RPS17: variants seen among roughly 807,000 people sequenced by gnomAD.
RPS17 encodes ribosomal protein S17, also known as small ribosomal subunit protein eS17.
For missense variants in RPS17, 68 were observed against 182.3 expected (o/e 0.37, Z 3.61); for synonymous variants, 75 against 65.6 (o/e 1.14, Z -0.70).
chr15:82,540,455 A>G lies in RPS17; in HGVS notation c.-27T>C. The G allele has an allele frequency of 6.3e-7, 1 of 1,588,386 alleles. No individual in the cohort carries two copies. Among genetic ancestry groups the G allele is most frequent in the East Asian group, 2.3e-5 (1 of 44,102 alleles). Reference sequence around the variant, plus strand: ...TTGGCGGGTCCTTGGTAAAAGAGGAAACAGGAAGCACAGGCGAAGCCTGTT... The same window carrying G: ...TTGGCGGGTCCTTGGTAAAAGAGGAGACAGGAAGCACAGGCGAAGCCTGTT... On this transcript the variant is annotated 5_prime_UTR_variant, in exon 1 of 5. Coordinates refer to ENST00000647841, the MANE Select transcript of RPS17 (RefSeq NM_001021.6).
rs866903353 is a variant in RPS17, at chr15:82,540,283, C to A, written c.3+143G>T. 616 of 1,590,810 alleles carry A rather than the reference C, an allele frequency of 3.9e-4. 4 individuals carry two copies. Among genetic ancestry groups the A allele is most frequent in the Middle Eastern group, 2.6e-3 (12 of 4,678 alleles). ...ACAGTGCCGGGCGCCGGGCTTAATG[C>A]GGAAGCCGCCGGCCCGTTGCGCTCC... On this transcript the variant is annotated intron_variant, in intron 1 of 4. Coordinates refer to ENST00000647841, the MANE Select transcript of RPS17 (RefSeq NM_001021.6).
chr15:82,539,832 T>C, intron 2 of RPS17, 149 bp downstream of exon 2: 3 of 1,381,742 alleles, frequency 2.2e-6, no homozygotes, highest in Non-Finnish European at 3.1e-6. Flanking sequence ...ACAGAAATCC[T>C]GCACACGCAG....
chr15:82,539,688 CA>C (rs1282817461), intron 2 of RPS17: 1,623 of 423,020 alleles, frequency 3.8e-3, no homozygotes, highest in East Asian at 6.3e-3. Context: ...GATTCCGTCT[CA>C]AAAAAAAAAG....
At chr15:82,537,664 C>T (rs2034264702) in intron 4 of RPS17, 2 of 358,580 alleles carry the variant, frequency 5.6e-6, no homozygotes, top group African/African-American at 2.1e-5. Context: ...AGACCCACAG[C>T]GGGGCTGTAG....
At position 82,540,136 on chromosome 15, in the gene RPS17, C is replaced by A. The variant is rs1172567434; in HGVS notation, c.4-4G>T. ...CGGTTTTGGTGCGAACGCGGCCCTG[C>A]GGGTGGAGAGGACAGGATCACTCAC... On this transcript the variant is annotated splice_region_variant and splice_polypyrimidine_tract_variant and intron_variant, in intron 1 of 4. Transcript: ENST00000647841. The A allele has an allele frequency of 9.9e-6, 16 of 1,613,586 alleles. No individual in the cohort carries two copies. Among genetic ancestry groups the A allele is most frequent in the Non-Finnish European group, 1.2e-5 (14 of 1,179,882 alleles).
chr15:82,539,426 G>T (rs1291036886), intron 2 of RPS17: 12 of 460,348 alleles, frequency 2.6e-5, no homozygotes, highest in African/African-American at 2.0e-4. Context: ...GGTGGCTCAC[G>T]CCTGTAATCC....
intron 2 of RPS17, chr15:82,539,718 A>G: frequency 1.6e-6 from 1 of 616,132 alleles, no homozygotes; most frequent in Non-Finnish European, 2.9e-6. Context: ...GAAAGAAAAA[A>G]GTTGACAACT....
intron 3 of RPS17, 21 bp from the exon 4 acceptor site, chr15:82,538,392 G>T: frequency 6.2e-7 from 1 of 1,611,058 alleles, no homozygotes. Context: ...ACGAGGTAGG[G>T]TCAAAATACC....
chr15:82,538,464 G>A (rs1202576423), intron 3 of RPS17, 93 bp from the exon 4 acceptor site: 1 of 1,372,422 alleles, frequency 7.3e-7, no homozygotes, highest in Non-Finnish European at 1.0e-6. Flanking sequence ...ATATGGGGAA[G>A]AGGAGCTGCA....
rs1350291518 is a variant in RPS17 at position 82,539,937 on chromosome 15, A to T, written c.155+44T>A. On this transcript the variant is annotated intron_variant, in intron 2 of 4. Coordinates refer to ENST00000647841, the MANE Select transcript of RPS17 (RefSeq NM_001021.6). ...CGAGTCGGAGGGCGGCAGAGCACACAAACAGATCGCGGAGCCCCGGAGGCC... is the reference window on the plus strand; with the variant it reads ...CGAGTCGGAGGGCGGCAGAGCACACTAACAGATCGCGGAGCCCCGGAGGCC... 2.5e-6 allele frequency: 4 copies of T among 1,611,908 alleles called. No individual in the cohort carries two copies. In the East Asian group the frequency reaches 8.9e-5, roughly 36 times the overall value.
chr15:82,537,033 C>T (rs2034251690), intron 4 of RPS17, 152 bp from the exon 5 acceptor site: 2 of 777,008 alleles, frequency 2.6e-6, no homozygotes, highest in Admixed American at 2.0e-5. Context: ...GTTCTCAATG[C>T]CTCCCACTTT....
At position 82,540,037 on chromosome 15, in the gene RPS17, G is replaced by A. The variant is rs1464338790; in HGVS notation, c.99C>T (p.Arg33=). ...RLGNDFHTNK[R]VCEEIAIIPS... ...GGATAATGGCGATCTCCTCGCACACGCGCTTGTTCGTGTGGAAGTCGTTGC... is the reference window on the plus strand; with the variant it reads ...GGATAATGGCGATCTCCTCGCACACACGCTTGTTCGTGTGGAAGTCGTTGC... The change falls in exon 2 of 5, where the codon CGC becomes CGT. Residue 33 remains arginine, a synonymous_variant. Transcript: ENST00000647841. 31 of 1,612,452 alleles carry A rather than the reference G, an allele frequency of 1.9e-5. No individual in the cohort carries two copies. In the South Asian group the frequency reaches 3.4e-4, roughly 18 times the overall value.
chr15:82,540,263 G>GCCGGGCGC (rs2034325913), intron 1 of RPS17, 131 bp from the exon 2 acceptor site: 1 of 1,600,870 alleles, frequency 6.2e-7, no homozygotes, highest in Non-Finnish European at 8.5e-7. Flanking sequence ...GCTAAACAGT[G>GCCGGGCGC]CCGGGCGCCG....
rs984937199 is a variant in RPS17, at chr15:82,539,002, G to A, written c.156-17C>T. ...GTGACATAACTACAAAGCACACACA[G>A]CCAAAGAGAACAGTGAGAAGACAAA... On this transcript the variant is annotated splice_polypyrimidine_tract_variant and intron_variant, in intron 2 of 4. Transcript: ENST00000647841. 4.0e-5 allele frequency: 64 copies of A among 1,612,126 alleles called. No homozygotes were observed. In the African/African-American group the frequency reaches 6.3e-4, roughly 16 times the overall value.
chr15:82,539,957 GA>G, intron 2 of RPS17, 23 bp downstream of exon 2: 1 of 1,612,060 alleles, frequency 6.2e-7, no homozygotes, highest in Non-Finnish European at 8.5e-7. Flanking sequence ...CGGAGCCCCG[GA>G]GGCCGAGGAA....
chr15:82,537,726 T>C, intron 4 of RPS17: 1 of 388,860 alleles, frequency 2.6e-6, no homozygotes, highest in Non-Finnish European at 5.0e-6. Flanking sequence ...GAGTTCATTT[T>C]GCTACTACCT....
intron 2 of RPS17, 117 bp from the exon 3 acceptor site, chr15:82,539,102 A>G: frequency 9.6e-7 from 1 of 1,038,652 alleles, no homozygotes; most frequent in Non-Finnish European, 1.5e-6. Flanking sequence ...GTGAGAAGGA[A>G]GAGGACTCAC....
chr15:82,540,241 G>C (rs998495786), intron 1 of RPS17, 109 bp from the exon 2 acceptor site: 38,605 of 1,608,278 alleles, frequency 0.024, 516 homozygotes, highest in Non-Finnish European at 0.028. Context: ...GCGCTGAGCC[G>C]GAGAGGGCCC....
At position 82,539,836 on chromosome 15, in the gene RPS17, C is replaced by A. The variant is rs1037212401; in HGVS notation, c.155+145G>T. ...CTAAGTTCACAACAGAAATCCTGCA[C>A]ACGCAGAGCTCTAGCCCTTCTCCGG... is the stretch of plus-strand genomic sequence containing the variant. On this transcript the variant is annotated intron_variant, in intron 2 of 4. Transcript: ENST00000647841. 30 of 1,399,236 alleles carry A rather than the reference C, an allele frequency of 2.1e-5. No homozygotes were observed. The East Asian group carries it at 2.7e-4, about 13-fold the overall frequency. 86.7% of individuals were successfully genotyped at this position (1,399,236 alleles called of 1,614,324 possible). A position where few individuals can be genotyped will look rare whatever the true frequency, so the allele number is the denominator to read the frequency against.
Sources: allele counts gnomAD v4.1 joint callset, GRCh38; gene constraint gnomAD v4.1.1; transcripts MANE v1.5; gene names NCBI Gene and HGNC (gene_info 2026-07-23, HGNC 2026-07-21).